CSMD1: variants seen among roughly 807,000 people sequenced by gnomAD.
CSMD1 encodes CUB and sushi domain-containing protein 1.
In CSMD1, 213 loss-of-function variants were observed where a neutral mutation model predicts 417.5. The ratio of observed to expected loss-of-function variants is 0.51; its 90% CI spans 0.46 to 0.57. The LOEUF (loss-of-function observed/expected upper bound fraction) is 0.57. CSMD1 is among the 20% of genes least tolerant of loss of function. CSMD1 has a pLI of 0.00. For synonymous variants in CSMD1, 2,862 were observed against 1,736.8 expected (o/e 1.65, Z -16.11); for missense variants, 6,923 against 4,529.7 (o/e 1.53, Z -15.17).
chr8:2,978,840 T>C (rs760709592), intron 54 of CSMD1, 40 bp from the exon 55 acceptor site: 6 of 1,507,978 alleles, frequency 4.0e-6, no homozygotes, highest in Non-Finnish European at 5.4e-6. Flanking sequence ...TAGAAACAGC[T>C]AGAAATAACA....
intron 1 of CSMD1, among the ~76,000 whole-genome samples, chr8:4,653,210 T>TA (rs1195814532): frequency 6.6e-6 from 1 of 152,020 alleles, no homozygotes; most frequent in Non-Finnish European, 1.5e-5. Flanking sequence ...ATTTTAGAGA[T>TA]AAAGCAAATG....
At chr8:4,952,654 T>C (rs1808830015) in intron 1 of CSMD1, among the ~76,000 whole-genome samples, 1 of 152,120 alleles carries the variant, frequency 6.6e-6, no homozygotes, top group Non-Finnish European at 1.5e-5. Context: ...GAGGTTCAAA[T>C]ATGGATTTAA....
rs753922630 is a variant in CSMD1, at chr8:3,749,729, G to GT, written c.931+4200dup. 4.9e-3 allele frequency among the ~76,000 whole-genome samples: 743 copies of GT among 151,364 alleles called. 1 individual carries two copies. The highest frequency in any genetic ancestry group is 0.017 in the African/African-American group (683 of 41,308). ...CATATAAACGAATCATACGGTTTATGTTTTTTTTTCCTTTCACGAAATATT... is the reference window on the plus strand; with the variant it reads ...CATATAAACGAATCATACGGTTTATGTTTTTTTTTTCCTTTCACGAAATATT... On this transcript the variant is annotated intron_variant, in intron 6 of 69. Coordinates refer to ENST00000635120, the MANE Select transcript of CSMD1 (RefSeq NM_033225.6).
chr8:4,702,023 C>T (rs539283896), intron 1 of CSMD1, among the ~76,000 whole-genome samples: 1 of 152,184 alleles, frequency 6.6e-6, no homozygotes, highest in Non-Finnish European at 1.5e-5. Flanking sequence ...AAACCAAACA[C>T]CGCATCTTCT....
chr8:3,406,266 A>T (rs1417217985), intron 14 of CSMD1, 45 bp from the exon 15 acceptor site: 1 of 1,448,128 alleles, frequency 6.9e-7, no homozygotes, highest in African/African-American at 1.4e-5. Flanking sequence ...ATACTTGAGT[A>T]TTAATTACAT....
chr8:3,841,853 C>T (rs1247076061), intron 5 of CSMD1, among the ~76,000 whole-genome samples: 1 of 152,038 alleles, frequency 6.6e-6, no homozygotes, highest in Non-Finnish European at 1.5e-5. Flanking sequence ...CTAGCAGCTC[C>T]TCAAGGGTCC....
intron 18 of CSMD1, among the ~76,000 whole-genome samples, chr8:3,384,782 A>T (rs1178717176): frequency 8.1e-6 from 1 of 124,134 alleles, no homozygotes; most frequent in Non-Finnish European, 1.6e-5. Context: ...TATTTATATA[A>T]TATATATTAA....
chr8:4,754,530 G>C (rs376876220), intron 1 of CSMD1, among the ~76,000 whole-genome samples: 4 of 149,640 alleles, frequency 2.7e-5, no homozygotes, highest in South Asian at 4.2e-4. Context: ...TAGCGTCTAT[G>C]TACTGCACAC....
chr8:4,957,232 A>G (rs1809178201), intron 1 of CSMD1, among the ~76,000 whole-genome samples: 1 of 152,202 alleles, frequency 6.6e-6, no homozygotes, highest in Non-Finnish European at 1.5e-5. Flanking sequence ...GGAGCCTAAT[A>G]TTACTGAGTT....
chr8:4,834,176 C>G (rs1370457750), intron 1 of CSMD1, among the ~76,000 whole-genome samples: 1 of 152,090 alleles, frequency 6.6e-6, no homozygotes, highest in Non-Finnish European at 1.5e-5. Context: ...TGTGTTATGT[C>G]AGGTTTAAAT....
At chr8:4,711,118 A>G (rs1223476171) in intron 1 of CSMD1, among the ~76,000 whole-genome samples, 1 of 151,926 alleles carries the variant, frequency 6.6e-6, no homozygotes, top group Non-Finnish European at 1.5e-5. Context: ...ATTATAAGAG[A>G]AGTTTGGTAA....
chr8:4,904,503 G>C (rs1213123619), intron 1 of CSMD1, among the ~76,000 whole-genome samples: 2 of 152,110 alleles, frequency 1.3e-5, no homozygotes, highest in Non-Finnish European at 2.9e-5. Context: ...TCCTGACTCA[G>C]AGCCTACTAC....
At position 3,719,332 on chromosome 8, in the gene CSMD1, A is replaced by C. The variant is rs113227453; in HGVS notation, c.932-10841T>G. On this transcript the variant is annotated intron_variant, in intron 6 of 69. Transcript: ENST00000635120. ...TAGCTGAGCTCCAATCTCACCCCTG[A>C]AATGTTCTGAAATCCTGAGCCACAG... Among the ~76,000 whole-genome samples the C allele has an allele frequency of 9.6e-3, 1,458 of 152,228 alleles. 10 individuals are homozygous for C. The highest frequency in any genetic ancestry group is 0.017 in the Middle Eastern group (5 of 294).
intron 42 of CSMD1, 27 bp downstream of exon 42, chr8:3,118,372 C>A: frequency 6.5e-7 from 1 of 1,535,208 alleles, no homozygotes; most frequent in Non-Finnish European, 8.9e-7. Flanking sequence ...AACATTAAAT[C>A]GCCCCCATGC....
intron 23 of CSMD1, among the ~76,000 whole-genome samples, chr8:3,311,320 G>A (rs1465832155): frequency 6.6e-6 from 1 of 152,044 alleles, no homozygotes; most frequent in Non-Finnish European, 1.5e-5. Context: ...CATGATCTCG[G>A]CTCACTGCAA....
chr8:3,382,393 T>C (rs1251732312), intron 18 of CSMD1, among the ~76,000 whole-genome samples: 2 of 144,722 alleles, frequency 1.4e-5, no homozygotes, highest in Non-Finnish European at 3.0e-5. Context: ...ATTAGTTATA[T>C]ATATGTTATT....
At chr8:4,595,115 G>A (rs1800185413) in intron 2 of CSMD1, among the ~76,000 whole-genome samples, 1 of 152,002 alleles carries the variant, frequency 6.6e-6, no homozygotes, top group African/African-American at 2.4e-5. Context: ...TTAAAAGCTT[G>A]GGGAATTTGG....
intron 13 of CSMD1, among the ~76,000 whole-genome samples, chr8:3,408,895 C>T (rs532399450): frequency 1.1e-4 from 16 of 152,164 alleles, no homozygotes; most frequent in Admixed American, 2.6e-4. Context: ...CACTTTTCAG[C>T]CTTTGCTATA....
chr8:4,016,747 G>C (rs967947263), intron 4 of CSMD1, among the ~76,000 whole-genome samples: 1 of 152,180 alleles, frequency 6.6e-6, no homozygotes, highest in African/African-American at 2.4e-5. Context: ...ACCCTCTTGG[G>C]TTAAGGGCTC....
Sources: gnomAD v4.1 joint callset for allele counts (sites outside exome capture counted in the v4.1 genomes callset) on GRCh38, gnomAD v4.1.1 for gene constraint, MANE v1.5 for transcripts, NCBI Gene and HGNC (gene_info 2026-07-23, HGNC 2026-07-21) for gene names.